STRN: variants seen among roughly 807,000 people sequenced by gnomAD.
STRN encodes the protein protein phosphatase 2 regulatory subunit B'''alpha.
In STRN, 53 loss-of-function variants were observed where a neutral mutation model predicts 96.3. That is an observed-to-expected ratio of 0.55 (90% CI 0.44 to 0.69). The LOEUF (loss-of-function observed/expected upper bound fraction) is 0.69. STRN is among the 30% of genes least tolerant of loss of function. The pLI, the probability that STRN is intolerant of heterozygous loss-of-function variation, is 0.00. For synonymous variants in STRN, 428 were observed against 355.9 expected (o/e 1.20, Z -2.28); for missense variants, 987 against 963.9 (o/e 1.02, Z -0.32).
chr2:36,963,057 C>A (rs1456950988), intron 1 of STRN, among the ~76,000 whole-genome samples: 1 of 152,086 alleles, frequency 6.6e-6, no homozygotes, highest in Non-Finnish European at 1.5e-5. Context: ...CTAATCTCAA[C>A]TGGATGTGAG....
intron 7 of STRN, 110 bp from the exon 8 acceptor site, chr2:36,886,936 T>TA (rs1168268857): frequency 1.8e-5 from 14 of 766,312 alleles, no homozygotes; most frequent in East Asian, 2.7e-5. Flanking sequence ...ATCACTAACT[T>TA]AAAAAAAGTC....
chr2:36,884,671 C>A (rs1355834549), intron 8 of STRN, among the ~76,000 whole-genome samples: 1 of 152,052 alleles, frequency 6.6e-6, no homozygotes, highest in Non-Finnish European at 1.5e-5. Context: ...TGTTCCTATA[C>A]CAGCAAAGAA....
intron 4 of STRN, among the ~76,000 whole-genome samples, chr2:36,905,270 A>G (rs1036656896): frequency 6.6e-6 from 1 of 152,182 alleles, no homozygotes; most frequent in Admixed American, 6.5e-5. Flanking sequence ...CGCCTGGCCA[A>G]TTGCACATAT....
rs1176678564 is a variant in STRN at position 36,839,842 on chromosome 2, AAATAT to A, written c.*9609_*9613del. 2 of 152,228 alleles carry A rather than the reference AAATAT, an allele frequency of 1.3e-5. No homozygotes were observed. The highest frequency in any genetic ancestry group is 1.3e-4 in the Admixed American group (2 of 15,286). 9.4% of individuals were successfully genotyped at this position (152,228 alleles called of 1,614,324 possible). ...AATGATTTAAAGTCATTTGAATATT[AAATAT>A]AAATAGTTGGTCTCTAACTTGTTGA... On this transcript the variant is annotated 3_prime_UTR_variant, in exon 18 of 18. Coordinates refer to ENST00000263918, the MANE Select transcript of STRN (RefSeq NM_003162.4).
At chr2:36,877,275 C>G (rs1222064320) in intron 10 of STRN, among the ~76,000 whole-genome samples, 1 of 152,144 alleles carries the variant, frequency 6.6e-6, no homozygotes, top group Non-Finnish European at 1.5e-5. Flanking sequence ...CGAATTACAA[C>G]TAATTGCTGG....
chr2:36,853,111 C>T (rs1268752879), intron 15 of STRN, among the ~76,000 whole-genome samples: 3 of 151,872 alleles, frequency 2.0e-5, no homozygotes, highest in African/African-American at 4.8e-5. Context: ...AAGCTGAGAT[C>T]GCACCACTGC....
At chr2:36,861,993 T>C (rs1668498960) in intron 12 of STRN, among the ~76,000 whole-genome samples, 1 of 152,180 alleles carries the variant, frequency 6.6e-6, no homozygotes, top group Non-Finnish European at 1.5e-5. Context: ...ACTCAATGTT[T>C]AGTTCTCACT....
At chr2:36,878,886 G>A (rs868848532) in intron 9 of STRN, among the ~76,000 whole-genome samples, 2 of 151,616 alleles carry the variant, frequency 1.3e-5, no homozygotes, top group Non-Finnish European at 2.9e-5. Flanking sequence ...CCGAGTAGCT[G>A]GGATTACAGG....
At position 36,954,598 on chromosome 2, in the gene STRN, C is replaced by CA. The variant is rs558085498; in HGVS notation, c.234+11631dup. On this transcript the variant is annotated intron_variant, in intron 1 of 17. Coordinates refer to ENST00000263918, the MANE Select transcript of STRN (RefSeq NM_003162.4). Reference sequence around the variant, plus strand: ...AAGGATTTTATTTCAGTATTCCCCACAAAAAAATAAAAGTATTTAAGGAAA... The same window carrying CA: ...AAGGATTTTATTTCAGTATTCCCCACAAAAAAAATAAAAGTATTTAAGGAAA... 2.2e-3 allele frequency among the ~76,000 whole-genome samples: 324 copies of CA among 145,300 alleles called. 1 individual carries two copies. Among genetic ancestry groups the CA allele is most frequent in the Admixed American group, 4.2e-3 (61 of 14,566 alleles).
chr2:36,915,258 T>TAC lies in STRN; in HGVS notation c.412+819_412+820insGT, dbSNP rs1670065546. 4.1e-5 allele frequency among the ~76,000 whole-genome samples: 5 copies of TAC among 121,488 alleles called. No individual in the cohort carries two copies. The South Asian group carries it at 1.3e-3, about 31-fold the overall frequency. The allele number at this position is 121,488 out of a possible 152,430, so 79.7% of individuals were successfully genotyped here. On this transcript the variant is annotated intron_variant, in intron 3 of 17. Transcript: ENST00000263918. ...ATATATATATATATATATATATATA[T>TAC]ATATATATATATATAAAGCCTCTAG... is the stretch of plus-strand genomic sequence containing the variant.
At chr2:36,916,514 T>G (rs1670104133) in intron 2 of STRN, among the ~76,000 whole-genome samples, 1 of 151,544 alleles carries the variant, frequency 6.6e-6, no homozygotes, top group Non-Finnish European at 1.5e-5. Flanking sequence ...AAAAAAAGGT[T>G]TGGATTGTGA....
At chr2:36,965,772 G>A (rs1235369603) in intron 1 of STRN, among the ~76,000 whole-genome samples, 8 of 152,220 alleles carry the variant, frequency 5.3e-5, no homozygotes, top group Non-Finnish European at 1.0e-4. Context: ...AACTTCTGTT[G>A]TCTTCTTGAT....
chr2:36,923,157 C>A (rs1430765334), intron 2 of STRN, among the ~76,000 whole-genome samples: 1 of 146,002 alleles, frequency 6.8e-6, no homozygotes, highest in Non-Finnish European at 1.5e-5. Context: ...AAAAAAAAAT[C>A]TCAAATACTC....
chr2:36,900,249 T>C (rs912517501), intron 5 of STRN, among the ~76,000 whole-genome samples: 2 of 152,218 alleles, frequency 1.3e-5, no homozygotes, highest in African/African-American at 4.8e-5. Context: ...ATTATTATTT[T>C]GATCCTTACA....
At chr2:36,916,805 T>G (rs1391532789) in intron 2 of STRN, among the ~76,000 whole-genome samples, 2 of 152,172 alleles carry the variant, frequency 1.3e-5, no homozygotes, top group African/African-American at 2.4e-5. Flanking sequence ...GACAGAATGT[T>G]ATCATTCTGG....
chr2:36,878,145 T>C, intron 9 of STRN, 118 bp from the exon 10 acceptor site: 1 of 1,095,806 alleles, frequency 9.1e-7, no homozygotes. Flanking sequence ...TTTTAAATGC[T>C]TTTAAACACA....
In STRN at chr2:36,912,974, GAGA is replaced by G. The variant is rs1182578478; in HGVS notation, c.412+3101_412+3103del. On this transcript the variant is annotated intron_variant, in intron 3 of 17. Transcript: ENST00000263918. The stretch of plus-strand genomic sequence containing the variant: ...CATATACTAAAATTAGAATAATACA[GAGA>G]AGATCAGCATAAAATCAAATTTATG... Among the ~76,000 whole-genome samples, 12 of 152,252 alleles carry G rather than the reference GAGA, an allele frequency of 7.9e-5. No individual in the cohort carries two copies. In the East Asian group the frequency reaches 2.1e-3, roughly 27 times the overall value.
chr2:36,962,923 C>T (rs879916357), intron 1 of STRN, among the ~76,000 whole-genome samples: 8 of 152,188 alleles, frequency 5.3e-5, no homozygotes, highest in Admixed American at 5.2e-4. Context: ...GGTCATCTAG[C>T]ACAATGCCTC....
intron 1 of STRN, among the ~76,000 whole-genome samples, chr2:36,946,456 T>C (rs1466702132): frequency 1.3e-5 from 2 of 152,210 alleles, no homozygotes; most frequent in East Asian, 3.8e-4. Context: ...TATTTAAGTA[T>C]AGGATATCTC....
Sources: gnomAD v4.1 joint callset for allele counts (sites outside exome capture counted in the v4.1 genomes callset) on GRCh38, gnomAD v4.1.1 for gene constraint, MANE v1.5 for transcripts, NCBI Gene and HGNC (gene_info 2026-07-23, HGNC 2026-07-21) for gene names.